Variants in ITGA1 observed in about 807,000 individuals in gnomAD.
ITGA1 encodes the protein integrin alpha-1.
A neutral mutation model predicts 145.9 loss-of-function variants in ITGA1; 85 were observed. The observed-to-expected ratio is 0.58, with a 90% CI of 0.49 to 0.70. ITGA1 has a LOEUF of 0.70. ITGA1 is among the 30% of genes least tolerant of loss of function. The pLI, the probability that ITGA1 is intolerant of heterozygous loss-of-function variation, is 0.00. For synonymous variants in ITGA1, 520 were observed against 495.3 expected (o/e 1.05, Z -0.66); for missense variants, 1,351 against 1,418.7 (o/e 0.95, Z 0.77).
At position 52,833,025 on chromosome 5, in the gene ITGA1, C is replaced by G. The variant is rs1167741347; in HGVS notation, c.62-16340C>G. ...TGGCCAACATGGTGAAAACCCATCT[C>G]TACTAAAAATACAAAAATTAGCTGG... On this transcript the variant is annotated intron_variant, in intron 1 of 28. Transcript: ENST00000282588. 3.3e-5 allele frequency among the ~76,000 whole-genome samples: 5 copies of G among 151,900 alleles called. No homozygotes were observed. In the East Asian group the frequency reaches 9.7e-4, roughly 29 times the overall value.
intron 6 of ITGA1, among the ~76,000 whole-genome samples, chr5:52,881,305 C>T (rs1028071862): frequency 6.6e-6 from 1 of 152,164 alleles, no homozygotes; most frequent in Non-Finnish European, 1.5e-5. Context: ...TAGGGTAGAT[C>T]TATCTCTTTC....
At chr5:52,903,454 T>A (rs987672427) in intron 11 of ITGA1, 1 of 152,102 alleles carries the variant, frequency 6.6e-6, no homozygotes, top group Non-Finnish European at 1.5e-5. Context: ...TTATGTATAA[T>A]AATAAAAAAC....
intron 6 of ITGA1, among the ~76,000 whole-genome samples, chr5:52,869,828 C>A (rs1561232394): frequency 1.3e-5 from 2 of 151,056 alleles, no homozygotes; most frequent in African/African-American, 2.4e-5. Context: ...CTTTTCTAAT[C>A]TTTTTTTTTC....
intron 1 of ITGA1, among the ~76,000 whole-genome samples, chr5:52,841,753 A>T (rs375168201): frequency 9.2e-5 from 14 of 152,210 alleles, no homozygotes; most frequent in Admixed American, 8.5e-4. Flanking sequence ...AATATATTTC[A>T]TCTGAATTTA....
At position 52,797,812 on chromosome 5, in the gene ITGA1, C is replaced by T. The variant is rs2111654640; in HGVS notation, c.61+9398C>T. On this transcript the variant is annotated intron_variant, in intron 1 of 28. Transcript: ENST00000282588. ...ATAAAATTAGGATAACAAATATTTA[C>T]CTTACAGGGGAGAATTAGAGCATAG... 1.3e-5 allele frequency among the ~76,000 whole-genome samples: 2 copies of T among 152,208 alleles called. 1 individual carries two copies. The highest frequency in any genetic ancestry group is 2.9e-5 in the Non-Finnish European group (2 of 67,988).
intron 1 of ITGA1, among the ~76,000 whole-genome samples, chr5:52,835,774 C>T (rs1180022175): frequency 6.6e-6 from 1 of 151,960 alleles, no homozygotes; most frequent in Non-Finnish European, 1.5e-5. Context: ...TAATTTCTGC[C>T]CTTTTCAAGA....
At chr5:52,942,692 G>A (rs1035990461) in intron 26 of ITGA1, among the ~76,000 whole-genome samples, 3 of 124,774 alleles carry the variant, frequency 2.4e-5, no homozygotes, top group Non-Finnish European at 3.4e-5. Flanking sequence ...CACCATGCCC[G>A]GCTAATTTTT....
At chr5:52,937,551 T>C in intron 24 of ITGA1, 37 bp downstream of exon 24, 1 of 1,234,902 alleles carries the variant, frequency 8.1e-7, no homozygotes, top group Non-Finnish European at 1.2e-6. Context: ...GTCATTACTG[T>C]TATCTTTTCC....
At chr5:52,811,170 A>T (rs546558116) in intron 1 of ITGA1, among the ~76,000 whole-genome samples, 1 of 152,230 alleles carries the variant, frequency 6.6e-6, no homozygotes, top group Non-Finnish European at 1.5e-5. Flanking sequence ...ACCAAGTATG[A>T]TACAAGGAAG....
intron 1 of ITGA1, chr5:52,800,911 G>C (rs1433907652): frequency 1.9e-6 from 3 of 1,614,020 alleles, no homozygotes; most frequent in Non-Finnish European, 2.5e-6. Context: ...GAAAAGGAAA[G>C]GCAATTGCTC....
intron 6 of ITGA1, among the ~76,000 whole-genome samples, chr5:52,871,569 A>T (rs1413371238): frequency 6.6e-6 from 1 of 152,130 alleles, no homozygotes; most frequent in Non-Finnish European, 1.5e-5. Context: ...AGAGTCAAAG[A>T]TATGGAATAT....
At chr5:52,939,725 C>G in intron 25 of ITGA1, 34 bp downstream of exon 25, 1 of 1,526,828 alleles carries the variant, frequency 6.5e-7, no homozygotes. Flanking sequence ...TTACCTTTTG[C>G]TTTCCAAATG....
At chr5:52,820,867 A>G (rs1400525172) in intron 1 of ITGA1, among the ~76,000 whole-genome samples, 2 of 152,150 alleles carry the variant, frequency 1.3e-5, no homozygotes, top group South Asian at 4.1e-4. Context: ...ATATTCTGCT[A>G]GTTTCCCCAA....
intron 22 of ITGA1, chr5:52,932,858 T>C (rs1187920617): frequency 6.6e-6 from 1 of 152,162 alleles, no homozygotes; most frequent in Non-Finnish European, 1.5e-5. Context: ...ATGATAACAC[T>C]ATGGTTCAAA....
At chr5:52,935,160 G>C (rs1022671421) in intron 23 of ITGA1, among the ~76,000 whole-genome samples, 1 of 151,966 alleles carries the variant, frequency 6.6e-6, no homozygotes, top group East Asian at 1.9e-4. Context: ...ATATTCCTGA[G>C]CATAAAACTT....
At chr5:52,811,498 T>A in intron 1 of ITGA1, among the ~76,000 whole-genome samples, 1 of 152,074 alleles carries the variant, frequency 6.6e-6, no homozygotes, top group Admixed American at 6.6e-5. Flanking sequence ...GCTGCCAGAT[T>A]TGGGGTTTGG....
At chr5:52,918,004 G>T (rs1561249073) in intron 15 of ITGA1, among the ~76,000 whole-genome samples, 4 of 152,078 alleles carry the variant, frequency 2.6e-5, no homozygotes, top group African/African-American at 7.2e-5. Flanking sequence ...TTCCGGCTTG[G>T]ATCTAAGACA....
chr5:52,801,699 T>C (rs1167267884), intron 1 of ITGA1: 1 of 1,614,068 alleles, frequency 6.2e-7, no homozygotes, highest in Non-Finnish European at 8.5e-7. Context: ...TGAAAGAGAA[T>C]GCAGGCACCG....
rs1227060839 is a variant in ITGA1 at position 52,955,342 on chromosome 5, T to TAGAC, written c.*2895_*2898dup. On this transcript the variant is annotated 3_prime_UTR_variant, in exon 29 of 29. Coordinates refer to ENST00000282588, the MANE Select transcript of ITGA1 (RefSeq NM_181501.2). ...CACACCACTGAGACAGATTACACGA[T>TAGAC]AGACAGATAGATAGATAGATAGATA... 7 of 118,262 alleles carry TAGAC rather than the reference T, an allele frequency of 5.9e-5. No homozygotes were observed. Among genetic ancestry groups the TAGAC allele is most frequent in the African/African-American group, 2.2e-4 (7 of 32,418 alleles). 7.3% of individuals were successfully genotyped at this position (118,262 alleles called of 1,614,324 possible).
Sources: gnomAD v4.1 joint callset for allele counts (sites outside exome capture counted in the v4.1 genomes callset) on GRCh38, gnomAD v4.1.1 for gene constraint, MANE v1.5 for transcripts, NCBI Gene and HGNC (gene_info 2026-07-23, HGNC 2026-07-21) for gene names.